The following CHRM3 variants were observed in gnomAD, a reference collection of about 807,000 sequenced individuals.
The protein encoded by CHRM3 is cholinergic receptor muscarinic 3, also known as muscarinic acetylcholine receptor M3.
A neutral mutation model predicts 41.8 loss-of-function variants in CHRM3; 11 were observed. That is an observed-to-expected ratio of 0.26 (90% CI 0.17 to 0.44). The LOEUF (loss-of-function observed/expected upper bound fraction) is 0.44. CHRM3 is among the 20% of genes least tolerant of loss of function. The pLI, the probability that CHRM3 is intolerant of heterozygous loss-of-function variation, is 1.00. For missense variants in CHRM3, 571 were observed against 745.4 expected, an observed-to-expected ratio of 0.77 and a Z score of 2.72; for synonymous variants, 297 against 301.4, an observed-to-expected ratio of 0.99 and a Z score of 0.15.
intron 5 of CHRM3, among the ~76,000 whole-genome samples, chr1:239,721,798 A>G (rs907264715): frequency 1.3e-5 from 2 of 151,926 alleles, no homozygotes; most frequent in Non-Finnish European, 2.9e-5. Flanking sequence ...TGTGTATCAT[A>G]GGCACTCATG....
chr1:239,387,535 C>T lies in CHRM3; in HGVS notation c.-521+308C>T, dbSNP rs969969564. Among the ~76,000 whole-genome samples, 2 of 151,926 alleles carry T rather than the reference C, an allele frequency of 1.3e-5. No individual in the cohort carries two copies. Among genetic ancestry groups the T allele is most frequent in the Non-Finnish European group, 1.5e-5 (1 of 67,998 alleles). On this transcript the variant is annotated intron_variant, in intron 1 of 6. Transcript: ENST00000676153. This position sits in a 1 kb window ranked among gnomAD's most constrained non-coding sequence, Gnocchi z 5.1. Reference sequence around the variant, plus strand: ...GGACGGGAATCATGCGAGCGGTGGCCGGGAGAGAGTCGGGGACGTCCCACC... The same window carrying T: ...GGACGGGAATCATGCGAGCGGTGGCTGGGAGAGAGTCGGGGACGTCCCACC...
At chr1:239,724,810 C>T (rs1663285036) in intron 5 of CHRM3, among the ~76,000 whole-genome samples, 1 of 151,888 alleles carries the variant, frequency 6.6e-6, no homozygotes, top group South Asian at 2.1e-4. Context: ...CTCTTTCTTC[C>T]CTGGCCCCCA....
intron 1 of CHRM3, among the ~76,000 whole-genome samples, chr1:239,404,370 AAG>A (rs1660284979): frequency 1.5e-5 from 1 of 65,554 alleles, no homozygotes; most frequent in Admixed American, 2.1e-4. Context: ...GAAAGAAAGA[AAG>A]AAAGAAAGAA....
chr1:239,664,845 T>C (rs1228846641), intron 4 of CHRM3, among the ~76,000 whole-genome samples: 1 of 152,206 alleles, frequency 6.6e-6, no homozygotes, highest in Non-Finnish European at 1.5e-5. Context: ...GTACTTCTTG[T>C]CTACTTTTCA....
At chr1:239,453,548 G>A (rs1664713009) in intron 1 of CHRM3, among the ~76,000 whole-genome samples, 1 of 152,142 alleles carries the variant, frequency 6.6e-6, no homozygotes, top group African/African-American at 2.4e-5. Context: ...GAAACAAGAT[G>A]CTGCCTCTTT....
rs1386262574 is a variant in CHRM3, at chr1:239,564,365, A to G, written c.-313+18616A>G. ...ATAAGAGAACTGGAATGGAAAAAGTAAGCATGCTTAAATCACGCAATTTAA... is the reference window on the plus strand; with the variant it reads ...ATAAGAGAACTGGAATGGAAAAAGTGAGCATGCTTAAATCACGCAATTTAA... On this transcript the variant is annotated intron_variant, in intron 3 of 6. Transcript: ENST00000676153. Among the ~76,000 whole-genome samples the G allele has an allele frequency of 2.6e-5, 4 of 152,178 alleles. No individual in the cohort carries two copies. In the East Asian group the frequency reaches 7.7e-4, roughly 29 times the overall value.
In CHRM3 at chr1:239,685,910, A is replaced by G. The variant is rs540281619; in HGVS notation, c.-147+7622A>G. Among the ~76,000 whole-genome samples, 36 of 152,188 alleles carry G rather than the reference A, an allele frequency of 2.4e-4. 1 individual carries two copies. The South Asian group carries it at 7.3e-3, about 31-fold the overall frequency. ...TGACTCCCTGTCACTGCCTCCTGCC[A>G]TTGTTGCCTTCTCATCTCAACTGAA... On this transcript the variant is annotated intron_variant, in intron 5 of 6. Coordinates refer to ENST00000676153, the MANE Select transcript of CHRM3 (RefSeq NM_001375978.1).
intron 4 of CHRM3, among the ~76,000 whole-genome samples, chr1:239,650,931 A>T (rs959732580): frequency 6.6e-6 from 1 of 151,956 alleles, no homozygotes; most frequent in Non-Finnish European, 1.5e-5. Flanking sequence ...ATTTATGCAT[A>T]AAATATGTGC....
At chr1:239,752,883 C>A (rs150544082) in intron 5 of CHRM3, among the ~76,000 whole-genome samples, 1 of 152,184 alleles carries the variant, frequency 6.6e-6, no homozygotes, top group Admixed American at 6.5e-5. Context: ...GAATTAGGGT[C>A]AGGGTTTAAA....
At chr1:239,472,330 G>A (rs184720866) in intron 1 of CHRM3, among the ~76,000 whole-genome samples, 26 of 152,110 alleles carry the variant, frequency 1.7e-4, no homozygotes, top group African/African-American at 5.1e-4. Flanking sequence ...TGGTGTTTGC[G>A]GTGACCTAAT....
intron 2 of CHRM3, among the ~76,000 whole-genome samples, chr1:239,503,396 G>A (rs1371733134): frequency 2.0e-5 from 3 of 152,096 alleles, no homozygotes; most frequent in African/African-American, 7.2e-5. Context: ...ACAAAACACT[G>A]CTGAAAGAAA....
chr1:239,413,616 A>C (rs888192962), intron 1 of CHRM3, among the ~76,000 whole-genome samples: 1 of 152,186 alleles, frequency 6.6e-6, no homozygotes, highest in African/African-American at 2.4e-5. Context: ...ACATTTTGTG[A>C]GCTACAATCA....
intron 1 of CHRM3, among the ~76,000 whole-genome samples, chr1:239,412,066 T>A (rs1661118710): frequency 6.6e-6 from 1 of 151,516 alleles, no homozygotes; most frequent in Non-Finnish European, 1.5e-5. Context: ...CATATAAAAA[T>A]TTTGGTTATA....
chr1:239,900,260 T>A (rs573859922), intron 6 of CHRM3, among the ~76,000 whole-genome samples: 4 of 137,826 alleles, frequency 2.9e-5, no homozygotes, highest in African/African-American at 1.2e-4. Flanking sequence ...ACTGCTTCAT[T>A]TGGGTCTGAC....
intron 1 of CHRM3, among the ~76,000 whole-genome samples, chr1:239,410,632 A>T (rs1260125665): frequency 6.6e-6 from 1 of 152,004 alleles, no homozygotes; most frequent in African/African-American, 2.4e-5. Flanking sequence ...TCCCGTATGG[A>T]TTCCTCTCTG....
chr1:239,661,629 A>G (rs1405045993), intron 4 of CHRM3, among the ~76,000 whole-genome samples: 1 of 152,198 alleles, frequency 6.6e-6, no homozygotes, highest in Non-Finnish European at 1.5e-5. Context: ...GGGACAGTAA[A>G]ATGATGACTG....
intron 5 of CHRM3, among the ~76,000 whole-genome samples, chr1:239,764,304 G>A (rs1232109329): frequency 1.3e-5 from 2 of 152,096 alleles, no homozygotes; most frequent in Non-Finnish European, 2.9e-5. Context: ...GCCAAAAAGG[G>A]GAATATTGAC....
chr1:239,709,020 A>C (rs2148192308), intron 5 of CHRM3, among the ~76,000 whole-genome samples: 1 of 152,078 alleles, frequency 6.6e-6, no homozygotes, highest in Non-Finnish European at 1.5e-5. Flanking sequence ...CAGTTAGGAA[A>C]AATAATAAAA....
intron 5 of CHRM3, among the ~76,000 whole-genome samples, chr1:239,734,777 G>A (rs74150651): frequency 3.7e-4 from 56 of 152,174 alleles, no homozygotes; most frequent in African/African-American, 1.2e-3. Flanking sequence ...CAGGCAAAAT[G>A]ATGAGATATC....
Sources: allele counts gnomAD v4.1 joint callset (sites outside exome capture counted in the v4.1 genomes callset), GRCh38; gene constraint gnomAD v4.1.1; non-coding constraint Gnocchi (gnomAD v3.1); transcripts MANE v1.5; gene names NCBI Gene and HGNC (gene_info 2026-07-23, HGNC 2026-07-21).